The following NUCB2 variants were observed in gnomAD, a reference collection of about 807,000 sequenced individuals.
The protein encoded by NUCB2 is nucleobindin-2.
Under a neutral mutation model 57.9 loss-of-function variants are expected in NUCB2, and 48 were observed. That is an observed-to-expected ratio of 0.83 (90% CI 0.66 to 1.05). The LOEUF is 1.05. Ranked by LOEUF, NUCB2 falls within the 50% of genes least tolerant of loss-of-function variation. The pLI, the probability that NUCB2 is intolerant of heterozygous loss-of-function variation, is 0.00. For synonymous variants in NUCB2, 139 were observed against 152.1 expected (o/e 0.91, Z 0.64); for missense variants, 442 against 476.2 (o/e 0.93, Z 0.67).
chr11:17,306,153 G>C (rs1947604570), intron 5 of NUCB2, among the ~76,000 whole-genome samples: 1 of 152,152 alleles, frequency 6.6e-6, no homozygotes. Flanking sequence ...GATTTAGCCA[G>C]TGGAAGATCT....
chr11:17,316,680 C>T (rs1259247129), intron 11 of NUCB2, among the ~76,000 whole-genome samples: 1 of 152,146 alleles, frequency 6.6e-6, no homozygotes, highest in Non-Finnish European at 1.5e-5. Flanking sequence ...ACACAGTCAA[C>T]TGTGTATAAA....
At chr11:17,294,805 T>C (rs1235984169) in intron 2 of NUCB2, among the ~76,000 whole-genome samples, 1 of 152,078 alleles carries the variant, frequency 6.6e-6, no homozygotes, top group African/African-American at 2.4e-5. Context: ...CTTTGCACTT[T>C]GGGAGGCCAA....
chr11:17,326,608 C>T (rs182824836), intron 11 of NUCB2, among the ~76,000 whole-genome samples: 151 of 152,204 alleles, frequency 9.9e-4, no homozygotes, highest in African/African-American at 3.4e-3. Flanking sequence ...CATGAGCCAC[C>T]GCACCTGGCT....
rs1167995024 is a variant in NUCB2, at chr11:17,288,882, TACACACACACACACAC to T, written c.-1+5993_-1+6008del. The stretch of plus-strand genomic sequence containing the variant: ...TAAAGTCTATTTAATAACATGTATA[TACACACACACACACAC>T]ACACACACACACACACACACACACA... On this transcript the variant is annotated intron_variant, in intron 2 of 13. Transcript: ENST00000529010. 5.2e-3 allele frequency among the ~76,000 whole-genome samples: 233 copies of T among 44,658 alleles called. 11 individuals are homozygous for T. Among genetic ancestry groups the T allele is most frequent in the African/African-American group, 0.014 (151 of 10,634 alleles). The allele number at this position is 44,658 out of a possible 152,430, so 29.3% of individuals were successfully genotyped here.
At chr11:17,319,472 G>T (rs1443290664) in intron 11 of NUCB2, among the ~76,000 whole-genome samples, 1 of 152,184 alleles carries the variant, frequency 6.6e-6, no homozygotes, top group Non-Finnish European at 1.5e-5. Context: ...CTGGGCCCTG[G>T]ATGTTCCCCT....
chr11:17,287,187 C>A (rs1325462267), intron 2 of NUCB2, among the ~76,000 whole-genome samples: 3 of 151,882 alleles, frequency 2.0e-5, no homozygotes, highest in Non-Finnish European at 4.4e-5. Flanking sequence ...ATATATATAT[C>A]ACCACGCATG....
At chr11:17,289,499 C>A (rs915451706) in intron 2 of NUCB2, among the ~76,000 whole-genome samples, 9 of 152,298 alleles carry the variant, frequency 5.9e-5, no homozygotes, top group African/African-American at 2.2e-4. Flanking sequence ...TATTCAGATA[C>A]ACGCTCTCAG....
chr11:17,303,908 G>T (rs893636215), intron 5 of NUCB2, among the ~76,000 whole-genome samples: 2 of 146,752 alleles, frequency 1.4e-5, no homozygotes, highest in Non-Finnish European at 3.0e-5. Context: ...AAAAAGAAAA[G>T]TTATAAGTCA....
rs564928137 is a variant in NUCB2 at position 17,307,497 on chromosome 11, T to C, written c.380-2075T>C. Among the ~76,000 whole-genome samples the C allele has an allele frequency of 8.5e-5, 13 of 152,264 alleles. No individual in the cohort carries two copies. The South Asian group carries it at 2.1e-3, about 24-fold the overall frequency. On this transcript the variant is annotated intron_variant, in intron 5 of 13. Coordinates refer to ENST00000529010, the MANE Select transcript of NUCB2 (RefSeq NM_005013.4). ...TATATATAAGCAAATACAAATACAA[T>C]TTTTTTATTGTCCCTTTCTTTTTAT...
At chr11:17,307,839 A>G (rs1243181815) in intron 5 of NUCB2, among the ~76,000 whole-genome samples, 1 of 152,164 alleles carries the variant, frequency 6.6e-6, no homozygotes, top group Non-Finnish European at 1.5e-5. Flanking sequence ...AGATATTGCC[A>G]CATTTGCCTC....
exon 3 of NUCB2, chr11:17,349,503 C>G (rs954126300): frequency 1.3e-5 from 2 of 152,104 alleles, no homozygotes; most frequent in South Asian, 2.1e-4. Flanking sequence ...ATCCTGCTGT[C>G]AGAAAGAAGG....
chr11:17,279,696 C>T (rs1286555120), intron 1 of NUCB2, among the ~76,000 whole-genome samples: 1 of 151,582 alleles, frequency 6.6e-6, no homozygotes, highest in East Asian at 1.9e-4. Context: ...TATTTCTGAT[C>T]TTAGAATTCT....
Position 17,331,778 on chromosome 11 carries a change from A to G in NUCB2, c.*359A>G, listed in dbSNP as rs1951433431. The G allele has an allele frequency of 5.2e-6, 1 of 193,068 alleles. No individual in the cohort carries two copies. The highest frequency in any genetic ancestry group is 2.3e-5 in the African/African-American group (1 of 43,212). 12.0% of individuals were successfully genotyped at this position (193,068 alleles called of 1,614,324 possible). ...ACTCTGCCTCTTGCTTTTAAATTAGATTGCTCTCACTTACTCGTAAACATA... is the reference window on the plus strand; with the variant it reads ...ACTCTGCCTCTTGCTTTTAAATTAGGTTGCTCTCACTTACTCGTAAACATA... On this transcript the variant is annotated 3_prime_UTR_variant, in exon 14 of 14. Transcript: ENST00000529010.
intron 1 of NUCB2, among the ~76,000 whole-genome samples, chr11:17,280,894 A>G (rs554833019): frequency 1.3e-4 from 20 of 152,212 alleles, no homozygotes; most frequent in African/African-American, 4.6e-4. Context: ...ATTAAAAACT[A>G]GCTGGGCGTG....
intron 11 of NUCB2, among the ~76,000 whole-genome samples, chr11:17,320,435 C>G (rs575519762): frequency 1.3e-5 from 2 of 152,132 alleles, no homozygotes; most frequent in East Asian, 3.9e-4. Flanking sequence ...TTTGGGAGGC[C>G]GAGGTGGGCG....
At chr11:17,311,365 G>C in intron 8 of NUCB2, 82 bp downstream of exon 8, 1 of 1,030,980 alleles carries the variant, frequency 9.7e-7, no homozygotes, top group South Asian at 1.5e-5. Context: ...TTTCTGCCAA[G>C]GTCTGCTATT....
chr11:17,282,258 A>ATATATATATT (rs1388672393), intron 1 of NUCB2, among the ~76,000 whole-genome samples: 7 of 103,470 alleles, frequency 6.8e-5, no homozygotes, highest in Non-Finnish European at 1.3e-4. Context: ...ATATATATAT[A>ATATATATATT]TTTTTTTTTT....
intron 4 of NUCB2, among the ~76,000 whole-genome samples, chr11:17,299,002 C>T (rs374393852): frequency 2.4e-4 from 36 of 152,294 alleles, no homozygotes; most frequent in African/African-American, 8.2e-4. Context: ...CCCGGCCTCT[C>T]TTTCCTTTTC....
At chr11:17,329,061 C>G (rs1033345829) in intron 11 of NUCB2, among the ~76,000 whole-genome samples, 1 of 152,090 alleles carries the variant, frequency 6.6e-6, no homozygotes, top group Non-Finnish European at 1.5e-5. Context: ...TTTGGGCCAG[C>G]AGGGTATGTC....
Sources: gnomAD v4.1 joint callset for allele counts (sites outside exome capture counted in the v4.1 genomes callset) on GRCh38, gnomAD v4.1.1 for gene constraint, MANE v1.5 for transcripts, NCBI Gene and HGNC (gene_info 2026-07-23, HGNC 2026-07-21) for gene names.